Variants in GALNTL5 observed in about 807,000 individuals in gnomAD.
GALNTL5 encodes polypeptide N-acetylgalactosaminyltransferase like 5.
GALNTL5 carries 44 observed loss-of-function variants against 51.0 expected under a neutral mutation model. The ratio of observed to expected loss-of-function variants is 0.86; its 90% CI spans 0.68 to 1.11. GALNTL5 has a LOEUF of 1.11. GALNTL5 is among the 50% of genes least tolerant of loss of function. GALNTL5 has a pLI of 0.00. For missense variants in GALNTL5, 528 were observed against 531.8 expected (o/e 0.99, Z 0.07); for synonymous variants, 192 against 182.8 (o/e 1.05, Z -0.41).
chr7:152,016,297 AG>A (rs993373699), intron 8 of GALNTL5, among the ~76,000 whole-genome samples: 1 of 151,968 alleles, frequency 6.6e-6, no homozygotes, highest in Admixed American at 6.6e-5. Flanking sequence ...CCAGCTACTC[AG>A]GAGGCTGAGG....
At chr7:151,983,947 G>A (rs2081328808) in intron 4 of GALNTL5, among the ~76,000 whole-genome samples, 1 of 152,158 alleles carries the variant, frequency 6.6e-6, no homozygotes, top group African/African-American at 2.4e-5. Context: ...CAGCCTGGTG[G>A]CTCACACCTG....
intron 2 of GALNTL5, among the ~76,000 whole-genome samples, chr7:151,968,477 A>G (rs920105802): frequency 6.6e-6 from 1 of 152,040 alleles, no homozygotes; most frequent in Non-Finnish European, 1.5e-5. Flanking sequence ...TGGGCCTGAA[A>G]CCCTACCCTA....
At chr7:151,977,849 C>A (rs2081226907) in intron 3 of GALNTL5, among the ~76,000 whole-genome samples, 1 of 152,124 alleles carries the variant, frequency 6.6e-6, no homozygotes, top group African/African-American at 2.4e-5. Flanking sequence ...AATTTATTGG[C>A]AAAAGTTGTG....
intron 1 of GALNTL5, among the ~76,000 whole-genome samples, chr7:151,961,336 TA>T (rs2080988270): frequency 7.6e-6 from 1 of 131,510 alleles, no homozygotes; most frequent in African/African-American, 3.3e-5. Context: ...ACGCCAACTC[TA>T]CAAAAAAAAA....
At chr7:152,016,522 G>A (rs899920598) in intron 8 of GALNTL5, among the ~76,000 whole-genome samples, 4 of 152,170 alleles carry the variant, frequency 2.6e-5, no homozygotes, top group Non-Finnish European at 4.4e-5. Context: ...TGGCGTGGCA[G>A]CACCTACTAA....
At position 151,992,878 on chromosome 7, in the gene GALNTL5, A is replaced by G. The variant is rs578117704; in HGVS notation, c.658+5597A>G. ...GGTGTAGATGTAAATATCTCACAAC[A>G]CCCACTTCACACACGTGCTCTCCGC... On this transcript the variant is annotated intron_variant, in intron 5 of 8. Coordinates refer to ENST00000392800, the MANE Select transcript of GALNTL5 (RefSeq NM_145292.4). 9.9e-5 allele frequency among the ~76,000 whole-genome samples: 15 copies of G among 151,264 alleles called. No homozygotes were observed. In the East Asian group the frequency reaches 2.5e-3, roughly 26 times the overall value.
At chr7:151,983,321 G>GT (rs2081318857) in intron 4 of GALNTL5, among the ~76,000 whole-genome samples, 169 bp downstream of exon 4, 1 of 152,112 alleles carries the variant, frequency 6.6e-6, no homozygotes, top group Non-Finnish European at 1.5e-5. Context: ...GGGATTACAG[G>GT]TGCATGCCAC....
At chr7:151,978,838 CA>C (rs2081238990) in intron 3 of GALNTL5, among the ~76,000 whole-genome samples, 1 of 152,088 alleles carries the variant, frequency 6.6e-6, no homozygotes, top group Non-Finnish European at 1.5e-5. Flanking sequence ...TTTGTAAGAA[CA>C]TGAGTCATAT....
intron 8 of GALNTL5, among the ~76,000 whole-genome samples, chr7:152,018,777 C>T (rs530927392): frequency 1.3e-5 from 2 of 152,246 alleles, no homozygotes; most frequent in East Asian, 3.9e-4. Context: ...TGGCAGAATG[C>T]GATGGCAAAG....
Position 151,987,183 on chromosome 7 carries a change from A to C in GALNTL5, c.560A>C (p.Tyr187Ser). The C allele has an allele frequency of 1.3e-6, 2 of 1,594,432 alleles. No individual in the cohort carries two copies. Among genetic ancestry groups the C allele is most frequent in the Non-Finnish European group, 1.7e-6 (2 of 1,173,638 alleles). The change falls in exon 5 of 9, where the codon TAT becomes TCT. Residue 187 changes from tyrosine (Y) to serine (S), a missense_variant. Coordinates refer to ENST00000392800, the MANE Select transcript of GALNTL5 (RefSeq NM_145292.4). Reference protein sequence around the residue: ...KVDDLKEKLDYHLETFRGKVK... With the variant: ...KVDDLKEKLDSHLETFRGKVK... The stretch of plus-strand genomic sequence containing the variant: ...GATGATTTGAAAGAAAAACTAGACT[A>C]TCACCTGGAAACTTTTCGGGGAAAG...
At chr7:151,960,905 G>A (rs1050952338) in intron 1 of GALNTL5, among the ~76,000 whole-genome samples, 2 of 152,208 alleles carry the variant, frequency 1.3e-5, no homozygotes, top group African/African-American at 2.4e-5. Context: ...AGGGGACAAT[G>A]TCCTATTCTG....
intron 1 of GALNTL5, among the ~76,000 whole-genome samples, chr7:151,963,079 TA>T (rs1392373197): frequency 1.3e-5 from 2 of 152,248 alleles, no homozygotes; most frequent in East Asian, 3.8e-4. Context: ...AATTGATGCA[TA>T]AAATTTCAAG....
Position 151,983,091 on chromosome 7 carries a change from G to A in GALNTL5, c.474G>A (p.Thr158=), listed in dbSNP as rs752005387. 3.7e-5 allele frequency: 59 copies of A among 1,614,044 alleles called. No homozygotes were observed. Among genetic ancestry groups the A allele is most frequent in the Admixed American group, 5.0e-5 (3 of 59,986 alleles). The change falls in exon 4 of 9, where the codon ACG becomes ACA. Residue 158 remains threonine (T), a synonymous_variant. Transcript: ENST00000392800. The part of the protein sequence containing the change: ...NALFQTMSSV[T]NLTPHYFLEE... The stretch of plus-strand genomic sequence containing the variant: ...TGTTTCAGACCATGTCCAGTGTCAC[G>A]AACCTCACGCCACACTATTTTCTTG...
chr7:151,992,451 T>G lies in GALNTL5; in HGVS notation c.658+5170T>G, dbSNP rs2081439249. Among the ~76,000 whole-genome samples, 4 of 152,116 alleles carry G rather than the reference T, an allele frequency of 2.6e-5. No homozygotes were observed. The South Asian group carries it at 8.3e-4, about 32-fold the overall frequency. On this transcript the variant is annotated intron_variant, in intron 5 of 8. Coordinates refer to ENST00000392800, the MANE Select transcript of GALNTL5 (RefSeq NM_145292.4). ...TCCTTCTGAGACCTGCAGGGGAGGC[T>G]CCTTCCCTGCCTCTTCAGCTTCTGG... is the stretch of plus-strand genomic sequence containing the variant.
chr7:151,968,839 C>T (rs1277041348), intron 2 of GALNTL5, among the ~76,000 whole-genome samples: 1 of 152,182 alleles, frequency 6.6e-6, no homozygotes, highest in East Asian at 1.9e-4. Flanking sequence ...GTAAAGCCAT[C>T]ACTTTGGTCT....
intron 1 of GALNTL5, among the ~76,000 whole-genome samples, chr7:151,962,436 C>CTTTTTTTTTTTTTTTTTTTTT (rs61210832): frequency 1.7e-5 from 2 of 116,230 alleles, no homozygotes; most frequent in Non-Finnish European, 1.7e-5. Context: ...ATTTTTTTTT[C>CTTTTTTTTTTTTTTTTTTTTT]TTTTTTTTTT....
At chr7:151,982,251 A>T (rs1190440988) in intron 3 of GALNTL5, among the ~76,000 whole-genome samples, 1 of 151,942 alleles carries the variant, frequency 6.6e-6, no homozygotes, top group African/African-American at 2.4e-5. Context: ...TGTCTCTACT[A>T]AAAACATAAA....
intron 3 of GALNTL5, among the ~76,000 whole-genome samples, chr7:151,981,642 C>T (rs190281196): frequency 0.056 from 7,717 of 139,026 alleles, 324 homozygotes; most frequent in Non-Finnish European, 0.089. Context: ...CCCTTTCTCT[C>T]TCTCTCTCTC....
At chr7:152,017,293 T>G (rs2081831810) in intron 8 of GALNTL5, among the ~76,000 whole-genome samples, 1 of 152,190 alleles carries the variant, frequency 6.6e-6, no homozygotes, top group African/African-American at 2.4e-5. Context: ...TGTAGGCAGT[T>G]GTAACACAAT....
Sources: allele counts gnomAD v4.1 joint callset (sites outside exome capture counted in the v4.1 genomes callset), GRCh38; gene constraint gnomAD v4.1.1; transcripts MANE v1.5; gene names NCBI Gene and HGNC (gene_info 2026-07-23, HGNC 2026-07-21).